HS6ST2: variants seen among roughly 807,000 people sequenced by gnomAD.
HS6ST2 encodes heparan sulfate 6-O-sulfotransferase 2.
In HS6ST2, 17 loss-of-function variants were observed where a neutral mutation model predicts 33.0. The ratio of observed to expected loss-of-function variants is 0.52; its 90% confidence interval spans 0.35 to 0.77. HS6ST2 has a LOEUF of 0.77. Among genes scored for constraint, HS6ST2 ranks in the 30% least tolerant of loss-of-function variants. The pLI is 0.01. For synonymous variants in HS6ST2, 248 were observed against 237.1 expected (o/e 1.05, Z -0.42); for missense variants, 519 against 551.7 (o/e 0.94, Z 0.59).
chrX:132,882,750 T>C, intron 2 of HS6ST2, among the ~76,000 whole-genome samples: 2 of 111,230 alleles, frequency 1.8e-5, no homozygotes, highest in Non-Finnish European at 3.8e-5. Context: ...CAGTATGATA[T>C]TGGCTGTGGG....
chrX:132,677,554 T>C (rs1340422254), intron 3 of HS6ST2, among the ~76,000 whole-genome samples: 2 of 112,373 alleles, frequency 1.8e-5, no homozygotes, highest in Non-Finnish European at 3.7e-5. Flanking sequence ...GCTTCTAACA[T>C]GTTTACTGAA....
chrX:132,840,009 C>T (rs1182132321), intron 2 of HS6ST2, among the ~76,000 whole-genome samples: 2 of 110,593 alleles, frequency 1.8e-5, no homozygotes, highest in South Asian at 4.0e-4. Context: ...CTCAGCTACT[C>T]GGGAAGCTGA....
At chrX:132,874,888 C>T (rs1240331942) in intron 2 of HS6ST2, among the ~76,000 whole-genome samples, 2 of 111,558 alleles carry the variant, frequency 1.8e-5, no homozygotes, top group Non-Finnish European at 3.8e-5. Context: ...GGAGAGGTTC[C>T]CCAACACCTC....
At chrX:132,637,952 A>ATAT (rs1491432320) in intron 4 of HS6ST2, among the ~76,000 whole-genome samples, 1 of 72,408 alleles carries the variant, frequency 1.4e-5, no homozygotes, top group African/African-American at 5.2e-5. Flanking sequence ...TTTATATATA[A>ATAT]TATATATAAA....
intron 2 of HS6ST2, among the ~76,000 whole-genome samples, chrX:132,905,986 ACT>A (rs1236103669): frequency 1.8e-5 from 2 of 111,373 alleles, no homozygotes; most frequent in African/African-American, 3.3e-5. Context: ...AGATCATGCC[ACT>A]GCATTCCAGC....
At chrX:132,870,407 G>GA (rs1289370837) in intron 2 of HS6ST2, among the ~76,000 whole-genome samples, 1 of 111,696 alleles carries the variant, frequency 9.0e-6, no homozygotes, top group Middle Eastern at 4.2e-3. Flanking sequence ...CACAGAATTG[G>GA]AAAAAACTAC....
intron 2 of HS6ST2, among the ~76,000 whole-genome samples, chrX:132,888,678 A>AT (rs911319099): frequency 9.0e-6 from 1 of 110,933 alleles, no homozygotes; most frequent in Non-Finnish European, 1.9e-5. Flanking sequence ...TAATTTTTCT[A>AT]TTTTTTGTAG....
chrX:132,654,950 A>G (rs755742876), intron 4 of HS6ST2, among the ~76,000 whole-genome samples: 1 of 112,274 alleles, frequency 8.9e-6, no homozygotes, highest in African/African-American at 3.2e-5. Context: ...TCCAGTGGAG[A>G]CAGTCCTCCA....
intron 2 of HS6ST2, among the ~76,000 whole-genome samples, chrX:132,908,984 C>T (rs1164204206): frequency 1.1e-5 from 1 of 93,730 alleles, no homozygotes; most frequent in African/African-American, 4.1e-5. Context: ...CATTGAAGAA[C>T]TCCACTGAAA....
In HS6ST2 at chrX:132,912,589, T is replaced by G. The variant is rs140133533; in HGVS notation, c.947+44219A>C. The stretch of plus-strand genomic sequence containing the variant: ...GCTAACATTTCTCTTGGAACTTTCC[T>G]GACAAATCCAAATGCTCATCTTTGT... On this transcript the variant is annotated intron_variant, in intron 2 of 4. Coordinates refer to ENST00000370833, the MANE Select transcript of HS6ST2 (RefSeq NM_001394073.1). Among the ~76,000 whole-genome samples the G allele has an allele frequency of 4.6e-3, 513 of 112,667 alleles. 2 individuals carry two copies. Among genetic ancestry groups the G allele is most frequent in the African/African-American group, 0.016 (493 of 31,021 alleles).
At position 132,956,958 on chromosome X, in the gene HS6ST2, G is replaced by C. The variant is rs2067082442; in HGVS notation, c.797C>G (p.Thr266Ser). Residue 266 changes from threonine (T) to serine (S), a missense_variant, in exon 2 of 5, where the codon ACT becomes AGT. Thr to Ser is a moderately conservative substitution (Grantham distance 58). Transcript: ENST00000370833. The stretch of plus-strand genomic sequence containing the variant: ...TTCCCGCTTACCCGGCCGGTGGCAA[G>C]TGCATTTCTTCTGACCCACGCGGCA... ...CECRVGQKKC[T>S]CHRPGKRETW... 4 of 1,208,606 alleles carry C rather than the reference G, an allele frequency of 3.3e-6. No homozygotes were observed. Among genetic ancestry groups the C allele is most frequent in the Non-Finnish European group, 4.5e-6 (4 of 894,311 alleles).
chrX:132,728,866 G>A lies in HS6ST2; in HGVS notation c.948-20372C>T, dbSNP rs775593308. ...ATGAATGTCTAGCTCTAAAGATGACGACATAGAAGTATATCACTGAAACTT... is the reference window on the plus strand; with the variant it reads ...ATGAATGTCTAGCTCTAAAGATGACAACATAGAAGTATATCACTGAAACTT... On this transcript the variant is annotated intron_variant, in intron 2 of 4. Coordinates refer to ENST00000370833, the MANE Select transcript of HS6ST2 (RefSeq NM_001394073.1). Among the ~76,000 whole-genome samples, 15 of 112,535 alleles carry A rather than the reference G, an allele frequency of 1.3e-4. No homozygotes were observed. The East Asian group carries it at 2.5e-3, about 19-fold the overall frequency.
At chrX:132,675,870 G>A (rs940862749) in intron 3 of HS6ST2, among the ~76,000 whole-genome samples, 1 of 108,244 alleles carries the variant, frequency 9.2e-6, no homozygotes, top group Admixed American at 9.9e-5. Context: ...GTCTCTGCAC[G>A]TGTCTCACTA....
intron 2 of HS6ST2, among the ~76,000 whole-genome samples, chrX:132,831,614 G>A (rs1341543581): frequency 9.0e-6 from 1 of 111,703 alleles, no homozygotes; most frequent in African/African-American, 3.3e-5. Context: ...CTACTAAAAT[G>A]TACCCGACAG....
chrX:132,750,347 G>GAAAAAAAAAAA (rs1156312851), intron 2 of HS6ST2, among the ~76,000 whole-genome samples: 1 of 56,411 alleles, frequency 1.8e-5, no homozygotes, highest in Non-Finnish European at 3.3e-5. Context: ...TGCCCATCAA[G>GAAAAAAAAAAA]AAAAAAAAAA....
chrX:132,743,525 T>C (rs753344958), intron 2 of HS6ST2, among the ~76,000 whole-genome samples: 18 of 112,143 alleles, frequency 1.6e-4, no homozygotes, highest in Admixed American at 3.8e-4. Context: ...TTGATGGCGA[T>C]TGATAATCAT....
rs1371613402 is a variant in HS6ST2, at chrX:132,637,808, AT to A, written c.1068-8716del. ...ATATTTTATATATATAATATTATAT[AT>A]TATTTTATATATATAATATTATATA... On this transcript the variant is annotated intron_variant, in intron 4 of 4. Coordinates refer to ENST00000370833, the MANE Select transcript of HS6ST2 (RefSeq NM_001394073.1). Among the ~76,000 whole-genome samples the A allele has an allele frequency of 8.7e-3, 391 of 44,775 alleles. 10 individuals are homozygous for A. The highest frequency in any genetic ancestry group is 0.056 in the African/African-American group (336 of 6,027). The allele number at this position is 44,775 out of a possible 115,157, so 38.9% of individuals were successfully genotyped here.
chrX:132,655,263 T>A (rs949938666), intron 4 of HS6ST2, among the ~76,000 whole-genome samples: 3 of 112,162 alleles, frequency 2.7e-5, no homozygotes, highest in Non-Finnish European at 5.6e-5. Flanking sequence ...AAATAGATGC[T>A]GTTCAGAGGA....
chrX:132,833,419 G>C (rs1211935731), intron 2 of HS6ST2, among the ~76,000 whole-genome samples: 1 of 111,578 alleles, frequency 9.0e-6, no homozygotes, highest in African/African-American at 3.3e-5. Flanking sequence ...GCATGTAGTG[G>C]CTAACCTTGT....
Sources: gnomAD v4.1 joint callset for allele counts (sites outside exome capture counted in the v4.1 genomes callset) on GRCh38, gnomAD v4.1.1 for gene constraint, MANE v1.5 for transcripts, NCBI Gene and HGNC (gene_info 2026-07-23, HGNC 2026-07-21) for gene names.